RGS21: variants seen among roughly 807,000 people sequenced by gnomAD.
RGS21 encodes regulator of G-protein signalling 21.
In RGS21, 19 loss-of-function variants were observed where a neutral mutation model predicts 18.7. The observed-to-expected ratio is 1.01, with a 90% CI of 0.71 to 1.49. RGS21 has a LOEUF of 1.49. RGS21 is among the 40% of genes most tolerant of loss of function. The probability of loss-of-function intolerance (pLI) is 0.00; values close to 1 mark genes in which losing one functional copy is unlikely to be tolerated. For missense variants in RGS21, 194 were observed against 176.8 expected (o/e 1.10, Z -0.55); for synonymous variants, 56 against 57.8 (o/e 0.97, Z 0.14).
At chr1:192,353,911 A>G (rs939791204) in intron 4 of RGS21, among the ~76,000 whole-genome samples, 2 of 151,628 alleles carry the variant, frequency 1.3e-5, no homozygotes, top group Admixed American at 6.6e-5. Context: ...TAAAAATGCT[A>G]TTAGATATTA....
chr1:192,365,136 C>CAAA (rs77506382), intron 4 of RGS21, among the ~76,000 whole-genome samples: 14 of 94,898 alleles, frequency 1.5e-4, no homozygotes, highest in African/African-American at 5.6e-4. Flanking sequence ...AAGTGCGTCT[C>CAAA]AAAAAAAAAA....
chr1:192,340,818 G>A (rs1004469651), intron 1 of RGS21, among the ~76,000 whole-genome samples: 14 of 152,150 alleles, frequency 9.2e-5, no homozygotes, highest in South Asian at 6.2e-4. Flanking sequence ...GGGAAACTCC[G>A]TATGAAATTA....
chr1:192,348,110 C>T (rs574271685), intron 3 of RGS21, among the ~76,000 whole-genome samples: 40 of 151,614 alleles, frequency 2.6e-4, no homozygotes, highest in Admixed American at 6.6e-4. Flanking sequence ...ACTGCAACCT[C>T]TGCCTCCCGG....
At chr1:192,354,780 G>A (rs1366877656) in intron 4 of RGS21, among the ~76,000 whole-genome samples, 1 of 151,510 alleles carries the variant, frequency 6.6e-6, no homozygotes, top group Non-Finnish European at 1.5e-5. Context: ...TTACTCATAT[G>A]CCTATTATAT....
At chr1:192,335,178 T>C (rs759206564) in intron 1 of RGS21, among the ~76,000 whole-genome samples, 13 of 152,144 alleles carry the variant, frequency 8.5e-5, no homozygotes, top group Admixed American at 2.6e-4. Context: ...AAATTTTAAA[T>C]CGTGAAAGAA....
intron 1 of RGS21, among the ~76,000 whole-genome samples, chr1:192,341,616 C>A (rs576027624): frequency 2.0e-5 from 3 of 152,122 alleles, no homozygotes; most frequent in African/African-American, 7.2e-5. Context: ...GCACATTAAA[C>A]AATAATTGTG....
intron 1 of RGS21, among the ~76,000 whole-genome samples, chr1:192,340,483 C>T (rs565283310): frequency 6.6e-6 from 1 of 152,092 alleles, no homozygotes; most frequent in African/African-American, 2.4e-5. Context: ...AAAATTTATG[C>T]CTATTTTATT....
chr1:192,348,707 C>T (rs1227863525), intron 3 of RGS21, among the ~76,000 whole-genome samples: 1 of 151,948 alleles, frequency 6.6e-6, no homozygotes, highest in Non-Finnish European at 1.5e-5. Context: ...AAATAATCTG[C>T]AATTCTATCT....
In RGS21 at chr1:192,366,025, C is replaced by T. The variant is rs1168851717; in HGVS notation, c.360C>T (p.Ala120=). ...EAQKLIYCLM[A]KDSFPRFLKS... Reference sequence around the variant, plus strand: ...AGAAATTAATCTATTGTCTCATGGCCAAGGATTCTTTCCCTCGATTTCTGA... The same window carrying T: ...AGAAATTAATCTATTGTCTCATGGCTAAGGATTCTTTCCCTCGATTTCTGA... Residue 120 remains alanine (A), a synonymous_variant, in exon 5 of 5, where the codon GCC becomes GCT. Coordinates refer to ENST00000417209, the MANE Select transcript of RGS21 (RefSeq NM_001039152.3). 1 of 1,609,584 alleles carries T rather than the reference C, an allele frequency of 6.2e-7. No homozygotes were observed. Among genetic ancestry groups the T allele is most frequent in the Non-Finnish European group, 8.5e-7 (1 of 1,176,482 alleles).
intron 4 of RGS21, among the ~76,000 whole-genome samples, chr1:192,359,143 T>C (rs927937110): frequency 1.3e-5 from 2 of 152,064 alleles, no homozygotes; most frequent in African/African-American, 4.8e-5. Context: ...TTTATGACCT[T>C]TTGAAAAATA....
intron 3 of RGS21, 51 bp downstream of exon 3, chr1:192,347,440 A>C (rs531954854): frequency 1.1e-6 from 1 of 880,420 alleles, no homozygotes; most frequent in Admixed American, 1.8e-5. Flanking sequence ...AATATAAATT[A>C]TTAAATTCTG....
chr1:192,345,511 C>T (rs16834183), intron 2 of RGS21, among the ~76,000 whole-genome samples: 3,405 of 152,142 alleles, frequency 0.022, 115 homozygotes, highest in East Asian at 0.14. Context: ...TTCAATATTT[C>T]ATAGACCAGG....
chr1:192,321,200 C>T (rs148414984), intron 1 of RGS21, among the ~76,000 whole-genome samples: 34 of 151,834 alleles, frequency 2.2e-4, no homozygotes, highest in Middle Eastern at 3.4e-3. Flanking sequence ...GATTTCTATT[C>T]GACCCCATTT....
At chr1:192,345,543 A>T (rs1571457634) in intron 2 of RGS21, among the ~76,000 whole-genome samples, 1 of 152,218 alleles carries the variant, frequency 6.6e-6, no homozygotes, top group Admixed American at 6.6e-5. Flanking sequence ...TGGTGCTAGA[A>T]AATAACATTT....
chr1:192,318,733 GA>G (rs1220932163), intron 1 of RGS21, among the ~76,000 whole-genome samples: 1 of 151,864 alleles, frequency 6.6e-6, no homozygotes, highest in Non-Finnish European at 1.5e-5. Context: ...AAAGTTTATT[GA>G]AAGAATAAAA....
Position 192,343,064 on chromosome 1 carries a change from A to G in RGS21, c.11+17A>G, listed in dbSNP as rs757922548. 6.2e-7 allele frequency: 1 copy of G among 1,611,488 alleles called. No individual in the cohort carries two copies. Among genetic ancestry groups the G allele is most frequent in the South Asian group, 1.1e-5 (1 of 91,014 alleles). On this transcript the variant is annotated intron_variant, in intron 2 of 4. Transcript: ENST00000417209. ...GCCAGTGAAGTGAGTTGCCGTTTCC[A>G]GCTATTTTTATCTCAGAAGATGTAC...
chr1:192,349,126 T>C (rs189194117), intron 3 of RGS21, among the ~76,000 whole-genome samples: 110 of 152,258 alleles, frequency 7.2e-4, no homozygotes, highest in Admixed American at 5.2e-3. Flanking sequence ...TCAAGTTTGC[T>C]AAAAGGCTTA....
intron 1 of RGS21, among the ~76,000 whole-genome samples, chr1:192,326,549 T>C (rs1658570994): frequency 6.6e-6 from 1 of 152,120 alleles, no homozygotes; most frequent in Non-Finnish European, 1.5e-5. Flanking sequence ...TATTGCTTAA[T>C]CAACATGAAA....
intron 1 of RGS21, among the ~76,000 whole-genome samples, chr1:192,334,280 G>C (rs1658732597): frequency 6.6e-6 from 1 of 152,020 alleles, no homozygotes; most frequent in South Asian, 2.1e-4. Flanking sequence ...AAATCTTAAT[G>C]CTCACTTTAG....
Sources: allele counts gnomAD v4.1 joint callset (sites outside exome capture counted in the v4.1 genomes callset), GRCh38; gene constraint gnomAD v4.1.1; transcripts MANE v1.5; gene names NCBI Gene and HGNC (gene_info 2026-07-23, HGNC 2026-07-21).